CPNE4: variants seen among roughly 807,000 people sequenced by gnomAD.
CPNE4 encodes copine-4.
In CPNE4, 25 loss-of-function variants were observed where a neutral mutation model predicts 67.9. That is an observed-to-expected ratio of 0.37 (90% CI 0.27 to 0.51). The LOEUF is 0.51. Ranked by LOEUF, CPNE4 falls within the 20% of genes least tolerant of loss-of-function variation. The pLI, the probability that CPNE4 is intolerant of heterozygous loss-of-function variation, is 0.93. For synonymous variants in CPNE4, 242 were observed against 244.9 expected (o/e 0.99, Z 0.11); for missense variants, 464 against 690.8 (o/e 0.67, Z 3.68).
At chr3:131,955,005 G>A (rs898473057) in intron 1 of CPNE4, among the ~76,000 whole-genome samples, 13 of 147,718 alleles carry the variant, frequency 8.8e-5, no homozygotes, top group Non-Finnish European at 1.6e-4. Flanking sequence ...TCACAGATAC[G>A]CACACCAATT....
chr3:131,693,271 T>C (rs753014475), intron 5 of CPNE4, among the ~76,000 whole-genome samples: 3 of 152,192 alleles, frequency 2.0e-5, no homozygotes, highest in Non-Finnish European at 2.9e-5. Context: ...TTCTTAAAAG[T>C]TATTGGGGAT....
At chr3:132,023,550 G>C (rs1282139738) in intron 1 of CPNE4, among the ~76,000 whole-genome samples, 3 of 134,298 alleles carry the variant, frequency 2.2e-5, no homozygotes, top group East Asian at 2.1e-4. Context: ...TGCAGTGGCG[G>C]GATCTCGGCT....
chr3:131,667,507 T>C (rs539606562), intron 7 of CPNE4, among the ~76,000 whole-genome samples: 19 of 152,098 alleles, frequency 1.2e-4, no homozygotes, highest in Non-Finnish European at 2.5e-4. Flanking sequence ...CTAGGGTTGC[T>C]GTTAAGGATC....
At chr3:131,735,606 A>G (rs926436752) in intron 2 of CPNE4, among the ~76,000 whole-genome samples, 1 of 152,228 alleles carries the variant, frequency 6.6e-6, no homozygotes, top group Non-Finnish European at 1.5e-5. Flanking sequence ...AAATACATAT[A>G]TTAATATCCA....
At chr3:131,611,304 A>G (rs1472695850) in intron 7 of CPNE4, among the ~76,000 whole-genome samples, 1 of 152,190 alleles carries the variant, frequency 6.6e-6, no homozygotes, top group Non-Finnish European at 1.5e-5. Flanking sequence ...TAAATTTATC[A>G]CTATTTGCTA....
Position 131,535,263 on chromosome 3 carries a change from T to C in CPNE4, c.1606A>G (p.Asn536Asp). 6.2e-7 allele frequency: 1 copy of C among 1,613,964 alleles called. No homozygotes were observed. The highest frequency in any genetic ancestry group is 8.5e-7 in the Non-Finnish European group (1 of 1,179,990). ...EVPNQVVDYY[N>D]GKGIKPKCSS... ...CATTTTGGTTTAATTCCTTTGCCAT[T>C]GTAATAGTCCACAACTTGGTTTGGG... The change falls in exon 16 of 16, where the codon AAT becomes GAT. Residue 536 changes from asparagine (N) to aspartate (D), a missense_variant. By Grantham distance (23) the Asn-to-Asp change is conservative (BLOSUM62 1). Coordinates refer to ENST00000429747, the MANE Select transcript of CPNE4 (RefSeq NM_130808.3).
chr3:131,753,376 T>C (rs927472084), intron 2 of CPNE4, among the ~76,000 whole-genome samples: 1 of 152,086 alleles, frequency 6.6e-6, no homozygotes, highest in Non-Finnish European at 1.5e-5. Flanking sequence ...AAAGGAATCA[T>C]TCTTAACTAA....
At chr3:131,952,456 C>T (rs1204513301) in intron 1 of CPNE4, among the ~76,000 whole-genome samples, 7 of 150,402 alleles carry the variant, frequency 4.7e-5, no homozygotes, top group African/African-American at 1.5e-4. Context: ...GCAGCCACCC[C>T]GTCCGGGAGG....
intron 1 of CPNE4, among the ~76,000 whole-genome samples, chr3:131,908,945 C>T (rs551757806): frequency 2.0e-5 from 3 of 152,118 alleles, no homozygotes; most frequent in Non-Finnish European, 4.4e-5. Flanking sequence ...TGTGGATGCT[C>T]TGATAGTGGT....
chr3:131,860,307 A>G (rs2086623322), intron 2 of CPNE4, among the ~76,000 whole-genome samples: 1 of 152,222 alleles, frequency 6.6e-6, no homozygotes, highest in African/African-American at 2.4e-5. Context: ...GAAACGGTAC[A>G]TATATTAATT....
chr3:131,793,191 A>G (rs1243932318), intron 2 of CPNE4, among the ~76,000 whole-genome samples: 4 of 152,082 alleles, frequency 2.6e-5, no homozygotes, highest in Admixed American at 2.0e-4. Flanking sequence ...TTTCTCCACT[A>G]GACCAAGAGT....
intron 2 of CPNE4, among the ~76,000 whole-genome samples, chr3:131,896,055 C>T (rs2088318384): frequency 6.6e-6 from 1 of 151,662 alleles, no homozygotes; most frequent in Non-Finnish European, 1.5e-5. Flanking sequence ...AAAAAAATCT[C>T]AAATACAGGG....
chr3:131,822,700 T>C (rs2085002629), intron 2 of CPNE4, among the ~76,000 whole-genome samples: 1 of 152,210 alleles, frequency 6.6e-6, no homozygotes, highest in Non-Finnish European at 1.5e-5. Context: ...AGCCACAGAA[T>C]AATCCATATA....
Position 131,792,713 on chromosome 3 carries a change from ATATATG to A in CPNE4, c.181-69094_181-69089del, listed in dbSNP as rs1560323184. 7.0e-3 allele frequency among the ~76,000 whole-genome samples: 761 copies of A among 109,236 alleles called. 39 individuals carry two copies. Among genetic ancestry groups the A allele is most frequent in the East Asian group, 0.015 (57 of 3,730 alleles). 71.7% of individuals were successfully genotyped at this position (109,236 alleles called of 152,430 possible). On this transcript the variant is annotated intron_variant, in intron 2 of 15. Transcript: ENST00000429747. ...TATATATACATATACACACACGTGT[ATATATG>A]TATATATATACACGTGTGTATATAT...
At chr3:131,818,595 A>T (rs1015674874) in intron 2 of CPNE4, among the ~76,000 whole-genome samples, 2 of 152,116 alleles carry the variant, frequency 1.3e-5, no homozygotes, top group African/African-American at 4.8e-5. Context: ...AAAACCTTAG[A>T]CTCTATGCCT....
intron 1 of CPNE4, among the ~76,000 whole-genome samples, chr3:132,029,468 G>C (rs1373136389): frequency 6.6e-6 from 1 of 152,100 alleles, no homozygotes; most frequent in African/African-American, 2.4e-5. Context: ...CTAGTGCTCC[G>C]GCGCCCTCTA....
At chr3:131,940,980 G>A (rs1215099041) in intron 1 of CPNE4, among the ~76,000 whole-genome samples, 1 of 152,028 alleles carries the variant, frequency 6.6e-6, no homozygotes, top group Non-Finnish European at 1.5e-5. Context: ...GGAGTAGGAT[G>A]GGGCTTAATA....
chr3:131,822,220 A>G (rs944885226), intron 2 of CPNE4, among the ~76,000 whole-genome samples: 2 of 152,190 alleles, frequency 1.3e-5, no homozygotes, highest in Non-Finnish European at 2.9e-5. Flanking sequence ...TCAGCCTACA[A>G]CAAAAGCTAT....
At chr3:131,729,195 T>A (rs1290922724) in intron 2 of CPNE4, among the ~76,000 whole-genome samples, 1 of 152,206 alleles carries the variant, frequency 6.6e-6, no homozygotes, top group Non-Finnish European at 1.5e-5. Context: ...AATGACATCA[T>A]AGGCCAGAGA....
Sources: gnomAD v4.1 joint callset for allele counts (sites outside exome capture counted in the v4.1 genomes callset) on GRCh38, gnomAD v4.1.1 for gene constraint, MANE v1.5 for transcripts, NCBI Gene and HGNC (gene_info 2026-07-23, HGNC 2026-07-21) for gene names.